The following FAF1 variants were observed in gnomAD, a reference collection of about 807,000 sequenced individuals.
FAF1 encodes FAS-associated factor 1.
In FAF1, 25 loss-of-function variants were observed where a neutral mutation model predicts 92.5. The ratio of observed to expected loss-of-function variants is 0.27; its 90% CI spans 0.20 to 0.38. FAF1 has a LOEUF of 0.38. FAF1 is among the 10% of genes least tolerant of loss of function. The probability of loss-of-function intolerance (pLI) is 1.00; values close to 1 mark genes in which losing one functional copy is unlikely to be tolerated. For missense variants in FAF1, 636 were observed against 793.3 expected, an observed-to-expected ratio of 0.80 and a Z score of 2.38; for synonymous variants, 234 against 273.2, an observed-to-expected ratio of 0.86 and a Z score of 1.42.
intron 2 of FAF1, among the ~76,000 whole-genome samples, chr1:50,851,742 G>C (rs1039409306): frequency 6.6e-6 from 1 of 152,154 alleles, no homozygotes; most frequent in Non-Finnish European, 1.5e-5. Flanking sequence ...TATAGGAAAA[G>C]TGATACAACA....
At chr1:50,694,653 T>A (rs1657104888) in intron 7 of FAF1, among the ~76,000 whole-genome samples, 1 of 151,670 alleles carries the variant, frequency 6.6e-6, no homozygotes, top group Non-Finnish European at 1.5e-5. Flanking sequence ...TACAAAAAGT[T>A]ATGGCATGTA....
intron 2 of FAF1, among the ~76,000 whole-genome samples, chr1:50,802,557 A>G (rs867302318): frequency 5.3e-5 from 8 of 152,336 alleles, no homozygotes; most frequent in Middle Eastern, 3.4e-3. Flanking sequence ...CTAACAAGTT[A>G]CCAAGTAGTC....
chr1:50,535,843 T>C (rs1300640619), intron 14 of FAF1, among the ~76,000 whole-genome samples: 2 of 152,208 alleles, frequency 1.3e-5, no homozygotes, highest in African/African-American at 4.8e-5. Flanking sequence ...AGCACTTTTA[T>C]ACCATCTCAT....
At chr1:50,459,179 G>T (rs1646394404) in intron 18 of FAF1, among the ~76,000 whole-genome samples, 1 of 151,902 alleles carries the variant, frequency 6.6e-6, no homozygotes, top group Admixed American at 6.6e-5. Flanking sequence ...TTGCTACATT[G>T]CTCAGGCTGG....
At chr1:50,804,364 C>T (rs1168799297) in intron 2 of FAF1, among the ~76,000 whole-genome samples, 1 of 152,000 alleles carries the variant, frequency 6.6e-6, no homozygotes. Context: ...CAGCTATCTT[C>T]TTTGTTGAAG....
At chr1:50,674,690 T>C (rs1340176038) in intron 7 of FAF1, among the ~76,000 whole-genome samples, 1 of 152,110 alleles carries the variant, frequency 6.6e-6, no homozygotes, top group Non-Finnish European at 1.5e-5. Flanking sequence ...AGGTTGTCTA[T>C]CCTTGAAAAT....
chr1:50,923,266 CA>C (rs1184521949), intron 1 of FAF1, among the ~76,000 whole-genome samples: 2 of 151,832 alleles, frequency 1.3e-5, no homozygotes, highest in Non-Finnish European at 2.9e-5. Flanking sequence ...AAAAATATTC[CA>C]AAAAAATTTA....
At chr1:50,887,532 C>A (rs1644678046) in intron 1 of FAF1, among the ~76,000 whole-genome samples, 2 of 152,158 alleles carry the variant, frequency 1.3e-5, no homozygotes, top group South Asian at 4.1e-4. Context: ...AGTCTTTAAT[C>A]CATCTTTGAA....
At chr1:50,865,696 G>C (rs1321031162) in intron 1 of FAF1, among the ~76,000 whole-genome samples, 4 of 99,880 alleles carry the variant, frequency 4.0e-5, no homozygotes, top group African/African-American at 1.5e-4. Context: ...TGTGGGGTGG[G>C]GGGAGGGGGG....
chr1:50,651,365 T>C (rs866158008), intron 8 of FAF1, among the ~76,000 whole-genome samples: 165 of 152,358 alleles, frequency 1.1e-3, no homozygotes, highest in African/African-American at 3.8e-3. Context: ...TTTAAAACTT[T>C]AGAGATGTGC....
chr1:50,660,928 T>C (rs543901187), intron 7 of FAF1, among the ~76,000 whole-genome samples: 3 of 152,246 alleles, frequency 2.0e-5, no homozygotes, highest in African/African-American at 7.2e-5. Context: ...TCCAAAATGT[T>C]ATTATTTCGT....
At chr1:50,674,259 A>ATT (rs59709788) in intron 7 of FAF1, among the ~76,000 whole-genome samples, 10 of 147,712 alleles carry the variant, frequency 6.8e-5, no homozygotes, top group Non-Finnish European at 1.4e-4. Context: ...CCCCAAGGCA[A>ATT]TTTTTTTTTT....
intron 18 of FAF1, among the ~76,000 whole-genome samples, chr1:50,454,938 A>G (rs1646334548): frequency 6.6e-6 from 1 of 152,240 alleles, no homozygotes; most frequent in Admixed American, 6.5e-5. Flanking sequence ...ATGTTTGCTG[A>G]AAGACTGATC....
chr1:50,562,964 C>T (rs893939181), intron 13 of FAF1, among the ~76,000 whole-genome samples: 10 of 152,220 alleles, frequency 6.6e-5, no homozygotes, highest in Middle Eastern at 3.4e-3. Context: ...TGTCATTTTA[C>T]CTAAACAATA....
intron 15 of FAF1, among the ~76,000 whole-genome samples, chr1:50,500,613 T>G (rs1308309127): frequency 6.6e-6 from 1 of 152,152 alleles, no homozygotes; most frequent in Non-Finnish European, 1.5e-5. Flanking sequence ...TAGGCAAATA[T>G]GACCCAAAAG....
intron 4 of FAF1, among the ~76,000 whole-genome samples, chr1:50,765,405 A>G (rs962291294): frequency 6.6e-6 from 1 of 152,238 alleles, no homozygotes; most frequent in Non-Finnish European, 1.5e-5. Context: ...GAAGGAATTT[A>G]TTCCTTAATT....
At chr1:50,844,556 G>A (rs980580182) in intron 2 of FAF1, among the ~76,000 whole-genome samples, 2 of 150,430 alleles carry the variant, frequency 1.3e-5, no homozygotes, top group African/African-American at 4.9e-5. Flanking sequence ...CTAGTATACC[G>A]GAATCTGAAT....
At chr1:50,903,363 T>C (rs1261391064) in intron 1 of FAF1, among the ~76,000 whole-genome samples, 1 of 152,212 alleles carries the variant, frequency 6.6e-6, no homozygotes, top group Non-Finnish European at 1.5e-5. Context: ...ACTTATAAAT[T>C]ATAATGATTA....
intron 13 of FAF1, among the ~76,000 whole-genome samples, chr1:50,564,324 T>C (rs532963694): frequency 6.6e-6 from 1 of 151,450 alleles, no homozygotes; most frequent in East Asian, 1.9e-4. Flanking sequence ...GTTAACCAGA[T>C]ATGGGACGAG....
Sources: allele counts gnomAD v4.1 joint callset (sites outside exome capture counted in the v4.1 genomes callset), GRCh38; gene constraint gnomAD v4.1.1; transcripts MANE v1.5; gene names NCBI Gene and HGNC (gene_info 2026-07-23, HGNC 2026-07-21).